The following ZNFX1 variants were observed in gnomAD, a reference collection of about 807,000 sequenced individuals.
ZNFX1 encodes zinc finger NFX1-type containing 1, also known as NFX1-type zinc finger-containing protein 1.
In ZNFX1, 78 loss-of-function variants were observed where a neutral mutation model predicts 179.8. That is an observed-to-expected ratio of 0.43 (90% CI 0.36 to 0.52). The LOEUF (loss-of-function observed/expected upper bound fraction) is 0.52, where lower values mean the gene tolerates loss of function less well. Among genes scored for constraint, ZNFX1 ranks in the 20% least tolerant of loss-of-function variants. The pLI is 0.00. For missense variants in ZNFX1, 1,927 were observed against 2,386.6 expected, an observed-to-expected ratio of 0.81 and a Z score of 4.01; for synonymous variants, 848 against 868.5, an observed-to-expected ratio of 0.98 and a Z score of 0.42.
intron 6 of ZNFX1, among the ~76,000 whole-genome samples, chr20:49,261,530 C>T (rs1981110561): frequency 1.3e-5 from 2 of 151,970 alleles, no homozygotes; most frequent in African/African-American, 2.4e-5. Flanking sequence ...TAGAGGGGAT[C>T]AACACACTGG....
intron 2 of ZNFX1, among the ~76,000 whole-genome samples, chr20:49,275,234 T>C (rs1262003508): frequency 1.3e-5 from 2 of 152,242 alleles, no homozygotes; most frequent in African/African-American, 2.4e-5. Context: ...TCTATCACTG[T>C]TTTTGTTAAA....
In ZNFX1 at chr20:49,270,432, G is replaced by A. The variant is rs1379089209; in HGVS notation, c.1380C>T (p.Asn460=). ...YGSLVCMSKD[N]FETFLFATVS... ...CGGTGGCAAAAAGAAATGTCTCGAA[G>A]TTGTCCTTGGACATGCATACCAAAG... Residue 460 remains asparagine, a synonymous_variant, in exon 3 of 14, where the codon AAC becomes AAT. Coordinates refer to ENST00000396105, the MANE Select transcript of ZNFX1 (RefSeq NM_021035.3). This position sits in a 1 kb window ranked among gnomAD's most constrained non-coding sequence, Gnocchi z 4.6. 2.5e-6 allele frequency: 4 copies of A among 1,614,194 alleles called. No homozygotes were observed. The highest frequency in any genetic ancestry group is 3.4e-6 in the Non-Finnish European group (4 of 1,180,050).
In ZNFX1 at chr20:49,266,039, T is replaced by C. The variant is rs1469756758; in HGVS notation, c.2002+96A>G. On this transcript the variant is annotated intron_variant, in intron 4 of 13. Transcript: ENST00000396105. The stretch of plus-strand genomic sequence containing the variant: ...GCCATGTAAGTAATGATAAGGACTG[T>C]TGACTTTGTTTGAAGAGCAATAGAA... 8 of 1,413,708 alleles carry C rather than the reference T, an allele frequency of 5.7e-6. No homozygotes were observed. In the African/African-American group the frequency reaches 5.8e-5, roughly 10 times the overall value. The allele number at this position is 1,413,708 out of a possible 1,614,324, so 87.6% of individuals were successfully genotyped here.
chr20:49,276,047 C>T (rs1444308849), intron 1 of ZNFX1, among the ~76,000 whole-genome samples, 160 bp from the exon 2 acceptor site: 1 of 152,206 alleles, frequency 6.6e-6, no homozygotes, highest in Admixed American at 6.5e-5. Context: ...CTCGACTCTG[C>T]AAATGCCCAA....
chr20:49,275,742 A>T, intron 2 of ZNFX1, 37 bp downstream of exon 2: 1 of 1,601,142 alleles, frequency 6.2e-7, no homozygotes, highest in South Asian at 1.1e-5. Context: ...TTTTATTACT[A>T]GAATTTCCTT....
intron 1 of ZNFX1, among the ~76,000 whole-genome samples, chr20:49,277,077 C>A (rs1399727756): frequency 6.6e-6 from 1 of 151,196 alleles, no homozygotes; most frequent in Non-Finnish European, 1.5e-5. Context: ...ATGCTGGGAT[C>A]GAAAACAGAC....
At chr20:49,274,543 A>C (rs1981503490) in intron 2 of ZNFX1, among the ~76,000 whole-genome samples, 1 of 151,318 alleles carries the variant, frequency 6.6e-6, no homozygotes, top group Non-Finnish European at 1.5e-5. Context: ...GGATCACCTG[A>C]GGTTAGGAGT....
At chr20:49,259,208 A>C (rs1765856914) in intron 7 of ZNFX1, among the ~76,000 whole-genome samples, 1 of 151,962 alleles carries the variant, frequency 6.6e-6, no homozygotes, top group African/African-American at 2.4e-5. Flanking sequence ...GAGGGCATAC[A>C]ATGTAAATAT....
chr20:49,273,384 G>A (rs552468279), intron 2 of ZNFX1, among the ~76,000 whole-genome samples: 4 of 151,976 alleles, frequency 2.6e-5, no homozygotes, highest in African/African-American at 9.7e-5. Context: ...CGCCTGCCTC[G>A]GCCTCCCAAA....
intron 3 of ZNFX1, among the ~76,000 whole-genome samples, chr20:49,267,477 G>GTTTT (rs10695260): frequency 7.1e-5 from 10 of 140,994 alleles, no homozygotes; most frequent in Admixed American, 2.1e-4. Flanking sequence ...GTTACATAAA[G>GTTTT]TTTTTTTTTT....
At position 49,257,567 on chromosome 20, in the gene ZNFX1, A is replaced by G. The variant is rs1568983856; in HGVS notation, c.2514T>C (p.Ile838=). 3.7e-6 allele frequency: 6 copies of G among 1,613,132 alleles called. No homozygotes were observed. Among genetic ancestry groups the G allele is most frequent in the Non-Finnish European group, 5.1e-6 (6 of 1,179,870 alleles). Residue 838 remains isoleucine (I), a synonymous_variant, in exon 8 of 14, where the codon ATT becomes ATC. Transcript: ENST00000396105. ...GGGGCCTCACCACCTCTTCCTCCTC[A>G]ATCACCCGGTCTGCTTGAATCAGGT... is the stretch of plus-strand genomic sequence containing the variant. The part of the protein sequence containing the change: ...EADLIQADRV[I]EEEEVVRPQR...
At chr20:49,263,286 A>G in intron 6 of ZNFX1, 48 bp downstream of exon 6, 1 of 1,594,578 alleles carries the variant, frequency 6.3e-7, no homozygotes. Context: ...GGCTACCTCA[A>G]AGTACTGAGG....
rs1219438984 is a variant in ZNFX1 at position 49,266,125 on chromosome 20, T to A, written c.2002+10A>T. 1.2e-6 allele frequency: 2 copies of A among 1,603,524 alleles called. No individual in the cohort carries two copies. Among genetic ancestry groups the A allele is most frequent in the African/African-American group, 2.7e-5 (2 of 74,204 alleles). On this transcript the variant is annotated intron_variant, in intron 4 of 13. Coordinates refer to ENST00000396105, the MANE Select transcript of ZNFX1 (RefSeq NM_021035.3). The stretch of plus-strand genomic sequence containing the variant: ...TCTTGATAGAGAACAAATTTGCCTA[T>A]AAGTATTACCTTCCAGAAACTGGTC...
intron 8 of ZNFX1, 88 bp downstream of exon 8, chr20:49,257,326 ATGG>A: frequency 6.5e-7 from 1 of 1,537,984 alleles, no homozygotes; most frequent in African/African-American, 1.4e-5. Context: ...GCTAATTGTA[ATGG>A]TGAAGTGAAT....
At chr20:49,254,029 C>CT (rs11324394) in intron 10 of ZNFX1, among the ~76,000 whole-genome samples, 11 of 145,870 alleles carry the variant, frequency 7.5e-5, no homozygotes, top group African/African-American at 1.3e-4. Context: ...TTTCTTTTTT[C>CT]TTTTTTTTTT....
rs1379026337 is a variant in ZNFX1, at chr20:49,248,505, A to C, written c.4519T>G (p.Cys1507Gly). 6.2e-7 allele frequency: 1 copy of C among 1,614,006 alleles called. No individual in the cohort carries two copies. The highest frequency in any genetic ancestry group is 8.5e-7 in the Non-Finnish European group (1 of 1,180,006). Reference sequence around the variant, plus strand: ...ACACAGGGTTCCACGCAGGGACTACACAGCTCCCCACATTTCTTCTTGCAC... The same window carrying C: ...ACACAGGGTTCCACGCAGGGACTACCCAGCTCCCCACATTTCTTCTTGCAC... ...SQCKKKCGEL[C>G]SPCVEPCVWR... Residue 1507 changes from cysteine to glycine, a missense_variant, in exon 14 of 14, where the codon TGT becomes GGT. Coordinates refer to ENST00000396105, the MANE Select transcript of ZNFX1 (RefSeq NM_021035.3). The surrounding 1 kb of genome is among the most constrained non-coding windows in gnomAD (Gnocchi z 4.6).
chr20:49,264,824 A>G lies in ZNFX1; in HGVS notation c.2043T>C (p.Gly681=), dbSNP rs747896016. The G allele has an allele frequency of 5.9e-5, 95 of 1,614,012 alleles. No homozygotes were observed. The South Asian group carries it at 1.0e-3, about 17-fold the overall frequency. ...NCQKTSIVRV[G]GRSNSEILKQ... Reference sequence around the variant, plus strand: ...TCAGGATTTCACTGTTGCTCCTTCCACCCACCCGCACAATGCTGGTCTTCT... The same window carrying G: ...TCAGGATTTCACTGTTGCTCCTTCCGCCCACCCGCACAATGCTGGTCTTCT... The change falls in exon 5 of 14, where the codon GGT becomes GGC. Residue 681 remains glycine, a synonymous_variant. Coordinates refer to ENST00000396105, the MANE Select transcript of ZNFX1 (RefSeq NM_021035.3).
chr20:49,253,888 C>T (rs1980904021), intron 10 of ZNFX1, 77 bp from the exon 11 acceptor site: 2 of 1,547,024 alleles, frequency 1.3e-6, no homozygotes, highest in Admixed American at 3.5e-5. Flanking sequence ...CTCTGGGAAT[C>T]CACTTCTGTA....
chr20:49,258,700 G>A (rs181291264), intron 7 of ZNFX1, among the ~76,000 whole-genome samples: 104 of 152,148 alleles, frequency 6.8e-4, no homozygotes, highest in Non-Finnish European at 1.2e-3. Flanking sequence ...TAGCTACCTG[G>A]GAGGCTGAGG....
Sources: gnomAD v4.1 joint callset for allele counts (sites outside exome capture counted in the v4.1 genomes callset) on GRCh38, gnomAD v4.1.1 for gene constraint, Gnocchi (gnomAD v3.1) non-coding constraint, MANE v1.5 for transcripts, NCBI Gene and HGNC (gene_info 2026-07-23, HGNC 2026-07-21) for gene names.